Variants in PALM2AKAP2 observed in about 807,000 individuals in gnomAD.
PALM2AKAP2 encodes the protein PALM2 and AKAP2 fusion.
PALM2AKAP2 carries 37 observed loss-of-function variants against 71.5 expected under a neutral mutation model. The observed-to-expected ratio is 0.52, with a 90% CI of 0.40 to 0.68. PALM2AKAP2 has a LOEUF of 0.68. Among genes scored for constraint, PALM2AKAP2 ranks in the 30% least tolerant of loss-of-function variants. PALM2AKAP2 has a pLI of 0.00. For missense variants in PALM2AKAP2, 1,224 were observed against 1,191.8 expected, an observed-to-expected ratio of 1.03 and a Z score of -0.40; for synonymous variants, 468 against 478.8, an observed-to-expected ratio of 0.98 and a Z score of 0.29.
chr9:110,035,324 TA>T, intron 7 of PALM2AKAP2, among the ~76,000 whole-genome samples: 1 of 142,120 alleles, frequency 7.0e-6, no homozygotes, highest in South Asian at 2.1e-4. Flanking sequence ...ACATATGTAT[TA>T]TATGTATAAT....
At chr9:109,663,186 C>T (rs1827427074) in intron 1 of PALM2AKAP2, among the ~76,000 whole-genome samples, 1 of 152,210 alleles carries the variant, frequency 6.6e-6, no homozygotes, top group Non-Finnish European at 1.5e-5. Flanking sequence ...GTCTCTATCT[C>T]TTTCAGTTCT....
chr9:109,811,404 G>C (rs1231214471), intron 1 of PALM2AKAP2, among the ~76,000 whole-genome samples: 2 of 151,876 alleles, frequency 1.3e-5, no homozygotes, highest in African/African-American at 4.8e-5. Flanking sequence ...TAGAAAGAGT[G>C]CTATGCTTTA....
At chr9:109,817,958 CTCCCACAT>C (rs1827893281) in intron 1 of PALM2AKAP2, among the ~76,000 whole-genome samples, 2 of 152,204 alleles carry the variant, frequency 1.3e-5, no homozygotes, top group Non-Finnish European at 2.9e-5. Context: ...TTAAGTGGAT[CTCCCACAT>C]GTTCCTCTGT....
intron 3 of PALM2AKAP2, among the ~76,000 whole-genome samples, chr9:109,919,271 C>T (rs911273655): frequency 1.3e-5 from 2 of 152,208 alleles, no homozygotes; most frequent in South Asian, 2.1e-4. Flanking sequence ...GAAGCTGAGG[C>T]CCTGGCCCCT....
Position 109,945,994 on chromosome 9 carries a change from T to A in PALM2AKAP2, c.496+13966T>A, listed in dbSNP as rs115581338. 5.8e-3 allele frequency: 886 copies of A among 152,380 alleles called. 11 individuals are homozygous for A. The highest frequency in any genetic ancestry group is 0.02 in the African/African-American group (842 of 41,590). The allele number at this position is 152,380 out of a possible 1,614,324, so 9.4% of individuals were successfully genotyped here. A position where few individuals can be genotyped will look rare whatever the true frequency, so the allele number is the denominator to read the frequency against. On this transcript the variant is annotated intron_variant, in intron 6 of 9. Coordinates refer to the PALM2AKAP2 transcript ENST00000302798. ...TAGTAAAGCTTATCATTTAATGGAC[T>A]GAAGTAAGATGTGTTACCTTTATTC...
At chr9:110,131,820 C>T (rs994871039) in intron 1 of PALM2AKAP2, among the ~76,000 whole-genome samples, 2 of 152,140 alleles carry the variant, frequency 1.3e-5, no homozygotes, top group Admixed American at 6.5e-5. Context: ...GAGGTTAAAC[C>T]TGCTGCTTCC....
At chr9:109,941,136 C>T (rs992397761) in intron 6 of PALM2AKAP2, among the ~76,000 whole-genome samples, 2 of 143,156 alleles carry the variant, frequency 1.4e-5, no homozygotes, top group Admixed American at 7.1e-5. Flanking sequence ...TCTTCTTCTT[C>T]TTCCTCTTCT....
intron 6 of PALM2AKAP2, among the ~76,000 whole-genome samples, chr9:110,013,406 G>T (rs969018456): frequency 1.3e-5 from 2 of 152,182 alleles, no homozygotes; most frequent in African/African-American, 4.8e-5. Context: ...CTCTCTGCCA[G>T]CCAAATCCAA....
chr9:109,924,851 A>G (rs917215428), intron 4 of PALM2AKAP2, among the ~76,000 whole-genome samples: 4 of 152,196 alleles, frequency 2.6e-5, no homozygotes, highest in Non-Finnish European at 4.4e-5. Flanking sequence ...ATAAATCTCT[A>G]TTGGGAGAAA....
At chr9:109,718,346 C>A (rs562886440) in intron 1 of PALM2AKAP2, among the ~76,000 whole-genome samples, 5 of 152,172 alleles carry the variant, frequency 3.3e-5, no homozygotes, top group Non-Finnish European at 7.4e-5. Flanking sequence ...TCCCAAAGTG[C>A]TGGGATTACC....
intron 1 of PALM2AKAP2, among the ~76,000 whole-genome samples, chr9:110,071,489 G>A (rs922280087): frequency 1.3e-5 from 2 of 152,190 alleles, no homozygotes; most frequent in African/African-American, 4.8e-5. Context: ...TGGCTCCCAG[G>A]ATGTAGTCTA....
chr9:110,100,185 A>G (rs2118865017), intron 1 of PALM2AKAP2, among the ~76,000 whole-genome samples: 1 of 151,434 alleles, frequency 6.6e-6, no homozygotes, highest in South Asian at 2.1e-4. Flanking sequence ...AAGAAATTCA[A>G]CCTTAACCCA....
intron 1 of PALM2AKAP2, among the ~76,000 whole-genome samples, chr9:109,759,421 A>C (rs1172647130): frequency 6.6e-6 from 1 of 152,176 alleles, no homozygotes; most frequent in Non-Finnish European, 1.5e-5. Flanking sequence ...TGATTCTTTA[A>C]GGTGCAAGAT....
chr9:109,943,877 G>T (rs2132048985), intron 6 of PALM2AKAP2: 1 of 160,420 alleles, frequency 6.2e-6, no homozygotes, highest in Non-Finnish European at 1.4e-5. Flanking sequence ...ATCTTGTGTG[G>T]CAAAATGCTG....
chr9:110,048,752 G>T, exon 1 of PALM2AKAP2: 2 of 1,372,302 alleles, frequency 1.5e-6, no homozygotes. Flanking sequence ...GAGTCTCCTG[G>T]ACCCCCGGAG....
At chr9:110,020,755 G>A (rs560919173) in intron 7 of PALM2AKAP2, among the ~76,000 whole-genome samples, 2 of 152,112 alleles carry the variant, frequency 1.3e-5, no homozygotes, top group East Asian at 3.9e-4. Flanking sequence ...ACAGCAGTGT[G>A]AAAATGGACT....
chr9:109,865,221 C>T (rs1476045158), intron 1 of PALM2AKAP2, among the ~76,000 whole-genome samples: 2 of 148,290 alleles, frequency 1.3e-5, no homozygotes, highest in Admixed American at 7.0e-5. Flanking sequence ...GCCTTAGCCT[C>T]CCAAGTATCT....
chr9:110,076,184 T>C (rs1178969056), intron 1 of PALM2AKAP2, among the ~76,000 whole-genome samples: 1 of 152,102 alleles, frequency 6.6e-6, no homozygotes, highest in African/African-American at 2.4e-5. Flanking sequence ...TTCTTTGTCT[T>C]TCATGACATT....
At chr9:110,033,985 AG>A (rs1260866380) in intron 7 of PALM2AKAP2, among the ~76,000 whole-genome samples, 1 of 152,218 alleles carries the variant, frequency 6.6e-6, no homozygotes, top group Admixed American at 6.5e-5. Context: ...TCTGAGGCAC[AG>A]GGAGATAAAG....
Sources: allele counts gnomAD v4.1 joint callset (sites outside exome capture counted in the v4.1 genomes callset), GRCh38; gene constraint gnomAD v4.1.1; transcripts MANE v1.5; gene names NCBI Gene and HGNC (gene_info 2026-07-23, HGNC 2026-07-21).